NFIB: variants seen among roughly 807,000 people sequenced by gnomAD.
The protein encoded by NFIB is nuclear factor 1 B-type.
In NFIB, 11 loss-of-function variants were observed where a neutral mutation model predicts 61.5. That is an observed-to-expected ratio of 0.18 (90% CI 0.11 to 0.30). The LOEUF is 0.30. NFIB is among the 10% of genes least tolerant of loss of function. NFIB has a pLI of 1.00. For missense variants in NFIB, 471 were observed against 608.9 expected (o/e 0.77, Z 2.38); for synonymous variants, 260 against 216.5 (o/e 1.20, Z -1.76).
chr9:14,352,062 C>T lies in NFIB; in HGVS notation c.109-44542G>A, dbSNP rs78759445. 3.0e-3 allele frequency among the ~76,000 whole-genome samples: 460 copies of T among 152,204 alleles called. 14 individuals carry two copies. In the East Asian group the frequency reaches 0.042, roughly 14 times the overall value. On this transcript the variant is annotated intron_variant, in intron 1 of 8. Transcript: ENST00000380934. Reference sequence around the variant, plus strand: ...TGAGCATCAACTGTGCACCAGACCACGTACCATGCCAGATATGTTACATAA... The same window carrying T: ...TGAGCATCAACTGTGCACCAGACCATGTACCATGCCAGATATGTTACATAA...
At chr9:14,204,895 G>C (rs1490797907) in intron 2 of NFIB, 4 of 357,794 alleles carry the variant, frequency 1.1e-5, no homozygotes, top group African/African-American at 8.5e-5. Flanking sequence ...CTTTGGTTAA[G>C]CTGGTGGTAG....
At chr9:14,348,251 T>C (rs1158911750) in intron 1 of NFIB, among the ~76,000 whole-genome samples, 1 of 152,116 alleles carries the variant, frequency 6.6e-6, no homozygotes, top group African/African-American at 2.4e-5. Flanking sequence ...CCCTTTTCCT[T>C]TTTTGCTTTG....
At position 14,216,528 on chromosome 9, in the gene NFIB, CTCTCTCTCTCTCTCCCTCTGTGTGTG is replaced by C. The variant is rs1196441655; in HGVS notation, c.563-36774_563-36749del. On this transcript the variant is annotated intron_variant, in intron 2 of 10. Transcript: ENST00000380953. Reference sequence around the variant, plus strand: ...TCTCTCTCTCTCTCTCTCTCTCTCTCTCTCTCTCTCTCTCCCTCTGTGTGTGTGTGTGTGTGTGTGTGTGTGTGTGT... The same window carrying C: ...TCTCTCTCTCTCTCTCTCTCTCTCTCTGTGTGTGTGTGTGTGTGTGTGTGT... 2.3e-3 allele frequency among the ~76,000 whole-genome samples: 205 copies of C among 89,642 alleles called. 1 individual carries two copies. The highest frequency in any genetic ancestry group is 0.014 in the African/African-American group (163 of 11,726). The allele number at this position is 89,642 out of a possible 152,430, so 58.8% of individuals were successfully genotyped here.
At chr9:14,130,308 T>G (rs190352561) in intron 6 of NFIB, among the ~76,000 whole-genome samples, 1 of 152,204 alleles carries the variant, frequency 6.6e-6, no homozygotes, top group Non-Finnish European at 1.5e-5. Context: ...AATTTTCTTA[T>G]GGCTTCCATT....
At chr9:14,329,861 C>T (rs1047604692) in intron 1 of NFIB, among the ~76,000 whole-genome samples, 11 of 151,782 alleles carry the variant, frequency 7.2e-5, no homozygotes, top group Admixed American at 3.3e-4. Flanking sequence ...CAGTGGCTCA[C>T]GCCTGTAATC....
At chr9:14,129,894 A>G (rs556749831) in intron 6 of NFIB, among the ~76,000 whole-genome samples, 5 of 152,326 alleles carry the variant, frequency 3.3e-5, no homozygotes, top group African/African-American at 1.2e-4. Flanking sequence ...AATGATAGGC[A>G]AAGGATTAGC....
chr9:14,298,896 A>C (rs1384675544), intron 2 of NFIB, among the ~76,000 whole-genome samples: 1 of 152,214 alleles, frequency 6.6e-6, no homozygotes, highest in Non-Finnish European at 1.5e-5. Flanking sequence ...GGCAAGTTGC[A>C]TCAGGTAGCA....
chr9:14,084,724 C>T lies in NFIB; in HGVS notation c.*3585G>A, dbSNP rs2032572684. ...CAGTTCTGGGTAAGGGAGGGGCGTG[C>T]AAGACCTGCAAAAGTGGGGCCCTTC... On this transcript the variant is annotated 3_prime_UTR_variant, in exon 11 of 11. Coordinates refer to ENST00000380953, the MANE Select transcript of NFIB (RefSeq NM_001190737.2). The T allele has an allele frequency of 1.3e-5, 3 of 229,524 alleles. No individual in the cohort carries two copies. Among genetic ancestry groups the T allele is most frequent in the Non-Finnish European group, 2.6e-5 (3 of 115,768 alleles). The allele number at this position is 229,524 out of a possible 1,614,324, so 14.2% of individuals were successfully genotyped here.
chr9:14,155,313 T>C (rs2043275459), intron 4 of NFIB, among the ~76,000 whole-genome samples: 1 of 152,154 alleles, frequency 6.6e-6, no homozygotes, highest in Non-Finnish European at 1.5e-5. Flanking sequence ...TTAAAACAAT[T>C]GGACATTGTT....
At chr9:14,322,767 G>C (rs895864243) in intron 1 of NFIB, among the ~76,000 whole-genome samples, 6 of 152,048 alleles carry the variant, frequency 3.9e-5, no homozygotes, top group Non-Finnish European at 5.9e-5. Flanking sequence ...TGCGCCGCGC[G>C]GCGCCCCTCT....
chr9:14,441,444 A>G, the NFIB span, among the ~76,000 whole-genome samples: 3 of 152,324 alleles, frequency 2.0e-5, no homozygotes, highest in South Asian at 6.2e-4. Context: ...CTTTATGGTG[A>G]ACGTGCTTAT....
Position 14,085,803 on chromosome 9 carries a change from G to A in NFIB, c.*2506C>T, listed in dbSNP as rs76138782. ...ATGGGGACGAAAAGTGGCAGAAAAGGAATACGGGAGACTCCCTCCAACAGG... is the reference window on the plus strand; with the variant it reads ...ATGGGGACGAAAAGTGGCAGAAAAGAAATACGGGAGACTCCCTCCAACAGG... On this transcript the variant is annotated 3_prime_UTR_variant, in exon 11 of 11. Transcript: ENST00000380953. 1,600 of 221,182 alleles carry A rather than the reference G, an allele frequency of 7.2e-3. 25 individuals are homozygous for A. Among genetic ancestry groups the A allele is most frequent in the African/African-American group, 0.033 (1,457 of 44,778 alleles). 13.7% of individuals were successfully genotyped at this position (221,182 alleles called of 1,614,324 possible).
At chr9:14,398,536 G>C (rs2061710475) in exon 1 of NFIB, 1 of 1,534,208 alleles carries the variant, frequency 6.5e-7, no homozygotes, top group Non-Finnish European at 8.7e-7. Flanking sequence ...AAAATCCAAA[G>C]CACAGAGTTG....
intron 2 of NFIB, among the ~76,000 whole-genome samples, chr9:14,292,811 T>C (rs2059189526): frequency 6.6e-6 from 1 of 152,202 alleles, no homozygotes; most frequent in Non-Finnish European, 1.5e-5. Flanking sequence ...TAATTTTTCT[T>C]TTTTTAATGT....
intron 3 of NFIB, among the ~76,000 whole-genome samples, chr9:14,176,082 A>G (rs979879179): frequency 2.0e-5 from 3 of 152,192 alleles, no homozygotes; most frequent in African/African-American, 7.2e-5. Context: ...TTACCATCCA[A>G]TCAATCACAC....
chr9:14,170,298 G>C (rs1170725824), intron 3 of NFIB, among the ~76,000 whole-genome samples: 1 of 152,124 alleles, frequency 6.6e-6, no homozygotes, highest in Non-Finnish European at 1.5e-5. Context: ...AATATGGAGA[G>C]GGAAAGAATT....
At chr9:14,122,752 T>A (rs547634503) in intron 7 of NFIB, among the ~76,000 whole-genome samples, 1 of 152,294 alleles carries the variant, frequency 6.6e-6, no homozygotes, top group African/African-American at 2.4e-5. Context: ...GCTTTTGAGA[T>A]TAATTTGGCC....
the NFIB span, among the ~76,000 whole-genome samples, chr9:14,450,999 A>C: frequency 6.6e-6 from 1 of 152,254 alleles, no homozygotes; most frequent in African/African-American, 2.4e-5. Flanking sequence ...AGAAATCTGG[A>C]ACTTTACAGG....
intron 7 of NFIB, 68 bp downstream of exon 7, chr9:14,125,564 C>A (rs764697657): frequency 1.9e-6 from 3 of 1,575,280 alleles, no homozygotes; most frequent in Non-Finnish European, 2.6e-6. Flanking sequence ...AACTTTTGCT[C>A]CGTCCCTAAG....
Sources: allele counts gnomAD v4.1 joint callset (sites outside exome capture counted in the v4.1 genomes callset), GRCh38; gene constraint gnomAD v4.1.1; transcripts MANE v1.5; gene names NCBI Gene and HGNC (gene_info 2026-07-23, HGNC 2026-07-21).